The following RORA variants were observed in gnomAD, a reference collection of about 807,000 sequenced individuals.
RORA encodes nuclear receptor ROR-alpha.
Under a neutral mutation model 69.5 loss-of-function variants are expected in RORA, and 7 were observed. The ratio of observed to expected loss-of-function variants is 0.10; its 90% CI spans 0.06 to 0.19. The LOEUF (loss-of-function observed/expected upper bound fraction) is 0.19. RORA is among the 10% of genes least tolerant of loss of function. The pLI, the probability that RORA is intolerant of heterozygous loss-of-function variation, is 1.00. For synonymous variants in RORA, 261 were observed against 240.8 expected (o/e 1.08, Z -0.78); for missense variants, 457 against 663.0 (o/e 0.69, Z 3.41).
chr15:60,534,872 T>C lies in RORA; in HGVS notation c.197-3021A>G, dbSNP rs4592598. Among the ~76,000 whole-genome samples, 7,193 of 152,142 alleles carry C rather than the reference T, an allele frequency of 0.047. 608 individuals are homozygous for C. The highest frequency in any genetic ancestry group is 0.17 in the African/African-American group (6,897 of 41,466). On this transcript the variant is annotated intron_variant, in intron 2 of 10. Transcript: ENST00000335670. This position sits in a 1 kb window ranked among gnomAD's most constrained non-coding sequence, Gnocchi z 5.0. Reference sequence around the variant, plus strand: ...AACCCAACAATGCACAAAAGCCCTCTCCATCCCCCATTTTAGTCAATTTCC... The same window carrying C: ...AACCCAACAATGCACAAAAGCCCTCCCCATCCCCCATTTTAGTCAATTTCC...
At chr15:61,093,269 T>C (rs1437538) in intron 1 of RORA, among the ~76,000 whole-genome samples, 56,021 of 152,116 alleles carry the variant, frequency 0.37, 10,646 homozygotes, top group African/African-American at 0.43. Flanking sequence ...TATTACTGTG[T>C]TCCTACCAAT....
At chr15:60,505,353 C>G (rs1595874375) in intron 6 of RORA, among the ~76,000 whole-genome samples, 155 bp downstream of exon 6, 1 of 152,176 alleles carries the variant, frequency 6.6e-6, no homozygotes, top group Non-Finnish European at 1.5e-5. Context: ...ATGGCAAAGC[C>G]TCAAGTACAT....
intron 1 of RORA, among the ~76,000 whole-genome samples, chr15:61,197,358 C>T (rs558276146): frequency 2.0e-5 from 3 of 152,318 alleles, no homozygotes; most frequent in East Asian, 1.9e-4. Flanking sequence ...AGGGCTCCCC[C>T]GTTCCCATGG....
chr15:61,139,142 T>TC (rs960409013), intron 1 of RORA, among the ~76,000 whole-genome samples: 2 of 136,572 alleles, frequency 1.5e-5, no homozygotes, highest in Admixed American at 1.5e-4. Context: ...AGACTCCGTC[T>TC]AAAAAAAAAA....
chr15:60,834,848 C>T (rs1342416194), intron 1 of RORA, among the ~76,000 whole-genome samples: 6 of 152,076 alleles, frequency 3.9e-5, no homozygotes, highest in Non-Finnish European at 7.4e-5. Flanking sequence ...CCCCTTTTCC[C>T]CTCTCACACT....
In RORA at chr15:61,054,424, TAGAG is replaced by T. The variant is rs975783228; in HGVS notation, c.166+174625_166+174628del. 5.9e-5 allele frequency among the ~76,000 whole-genome samples: 9 copies of T among 152,112 alleles called. No individual in the cohort carries two copies. The South Asian group carries it at 1.0e-3, about 18-fold the overall frequency. ...TCTCAAATGATACTGTGACTTCCCT[TAGAG>T]AGGAGGAAATCAGAGGACAGCAGGA... On this transcript the variant is annotated intron_variant, in intron 1 of 10. Coordinates refer to ENST00000335670, the MANE Select transcript of RORA (RefSeq NM_134261.3).
intron 1 of RORA, among the ~76,000 whole-genome samples, chr15:60,969,440 A>T (rs1160015308): frequency 1.3e-5 from 2 of 152,110 alleles, no homozygotes; most frequent in African/African-American, 4.8e-5. Flanking sequence ...GGTGATTCTA[A>T]TGTGCAGCCA....
At chr15:61,185,002 A>AGAAG (rs1455094099) in intron 1 of RORA, among the ~76,000 whole-genome samples, 2 of 150,786 alleles carry the variant, frequency 1.3e-5, no homozygotes, top group African/African-American at 4.9e-5. Flanking sequence ...AAAAAAAAAA[A>AGAAG]AAGAAGAAGA....
chr15:60,766,311 C>T (rs1003000778), intron 1 of RORA, among the ~76,000 whole-genome samples: 12 of 151,830 alleles, frequency 7.9e-5, no homozygotes, highest in South Asian at 2.1e-4. Flanking sequence ...TGCAGACTTT[C>T]GACTTAATAA....
At chr15:61,004,863 C>G (rs958100441) in intron 1 of RORA, among the ~76,000 whole-genome samples, 7 of 152,256 alleles carry the variant, frequency 4.6e-5, no homozygotes, top group African/African-American at 1.7e-4. Flanking sequence ...CTTTTTAAAA[C>G]TTATCCAATT....
At chr15:61,204,813 G>A (rs562422056) in intron 1 of RORA, among the ~76,000 whole-genome samples, 9 of 152,330 alleles carry the variant, frequency 5.9e-5, no homozygotes, top group South Asian at 2.1e-4. Context: ...GAGACTGTGC[G>A]TGAACAGGTC....
chr15:60,755,631 T>G (rs1362409726), intron 1 of RORA, among the ~76,000 whole-genome samples: 2 of 152,028 alleles, frequency 1.3e-5, no homozygotes, highest in Non-Finnish European at 2.9e-5. Context: ...TTTCTCCACA[T>G]CCTCTCCAGC....
intron 1 of RORA, among the ~76,000 whole-genome samples, chr15:61,200,629 A>T (rs565247126): frequency 6.6e-6 from 1 of 152,192 alleles, no homozygotes; most frequent in Non-Finnish European, 1.5e-5. Flanking sequence ...CAATTGTGGC[A>T]CCTTGAAACA....
chr15:61,140,463 G>C (rs749152801), intron 1 of RORA, among the ~76,000 whole-genome samples: 1 of 152,066 alleles, frequency 6.6e-6, no homozygotes. Flanking sequence ...GTTGCCACCC[G>C]GATGTGACTT....
At chr15:60,546,103 A>G (rs1373301117) in intron 2 of RORA, among the ~76,000 whole-genome samples, 1 of 152,202 alleles carries the variant, frequency 6.6e-6, no homozygotes, top group Non-Finnish European at 1.5e-5. Flanking sequence ...AACCTGACAA[A>G]TACTATGTGG....
chr15:60,619,358 G>A (rs114952513), intron 2 of RORA, among the ~76,000 whole-genome samples: 30 of 152,282 alleles, frequency 2.0e-4, no homozygotes, highest in African/African-American at 7.0e-4. Flanking sequence ...CACCTCAGCT[G>A]CATTTGAACA....
Position 60,549,200 on chromosome 15 carries a change from A to T in RORA, c.197-17349T>A, listed in dbSNP as rs562404240. ...TGTGTTGGATGGAGTTAATGATATA[A>T]CGTTAAAAAATAACCCCACAGTTTC... is the stretch of plus-strand genomic sequence containing the variant. On this transcript the variant is annotated intron_variant, in intron 2 of 10. Coordinates refer to ENST00000335670, the MANE Select transcript of RORA (RefSeq NM_134261.3). Among the ~76,000 whole-genome samples the T allele has an allele frequency of 5.3e-5, 8 of 152,346 alleles. No homozygotes were observed. In the South Asian group the frequency reaches 1.7e-3, roughly 32 times the overall value.
Position 61,200,442 on chromosome 15 carries a change from C to T in RORA, c.166+28611G>A, listed in dbSNP as rs577171190. ...AACATAGAGTCACCGCAGGATCCAT[C>T]GGGGCCCAGAGCAAAAGCAAACTGC... On this transcript the variant is annotated intron_variant, in intron 1 of 10. Coordinates refer to ENST00000335670, the MANE Select transcript of RORA (RefSeq NM_134261.3). 7.2e-5 allele frequency among the ~76,000 whole-genome samples: 11 copies of T among 152,236 alleles called. No individual in the cohort carries two copies. The South Asian group carries it at 1.0e-3, about 14-fold the overall frequency.
chr15:61,147,766 C>CGCGTGTGTGT lies in RORA; in HGVS notation c.166+81286_166+81287insACACACACGC, dbSNP rs375270045. Among the ~76,000 whole-genome samples the CGCGTGTGTGT allele has an allele frequency of 6.8e-6, 1 of 147,588 alleles. No homozygotes were observed. Among genetic ancestry groups the CGCGTGTGTGT allele is most frequent in the Non-Finnish European group, 1.5e-5 (1 of 66,912 alleles). ...TGGTCAGTAGGCACGTGCGCACACG[C>CGCGTGTGTGT]GTGTGTGTGTGTGTGTGTGTGTGTG... On this transcript the variant is annotated intron_variant, in intron 1 of 10. Coordinates refer to ENST00000335670, the MANE Select transcript of RORA (RefSeq NM_134261.3). This position sits in a 1 kb window ranked among gnomAD's most constrained non-coding sequence, Gnocchi z 4.1.
Sources: gnomAD v4.1 joint callset for allele counts (sites outside exome capture counted in the v4.1 genomes callset) on GRCh38, gnomAD v4.1.1 for gene constraint, Gnocchi (gnomAD v3.1) non-coding constraint, MANE v1.5 for transcripts, NCBI Gene and HGNC (gene_info 2026-07-23, HGNC 2026-07-21) for gene names.